SLC22A23: variants seen among roughly 807,000 people sequenced by gnomAD.
SLC22A23 encodes solute carrier family 22 member 23, also known as ion transporter protein.
SLC22A23 carries 26 observed loss-of-function variants against 61.0 expected under a neutral mutation model. The ratio of observed to expected loss-of-function variants is 0.43; its 90% CI spans 0.31 to 0.59. SLC22A23 has a LOEUF of 0.59. Among genes scored for constraint, SLC22A23 ranks in the 20% least tolerant of loss-of-function variants. SLC22A23 has a pLI of 0.11. For synonymous variants in SLC22A23, 430 were observed against 413.9 expected (o/e 1.04, Z -0.47); for missense variants, 796 against 934.7 (o/e 0.85, Z 1.94).
At chr6:3,428,920 C>G (rs930286653) in intron 1 of SLC22A23, among the ~76,000 whole-genome samples, 11 of 152,098 alleles carry the variant, frequency 7.2e-5, no homozygotes, top group Admixed American at 6.6e-4. Context: ...CTTCTCAGAG[C>G]CTTTAGCATG....
At position 3,301,892 on chromosome 6, in the gene SLC22A23, C is replaced by T. The variant is rs114927725; in HGVS notation, c.1083-3674G>A. ...GACAGCCCAGGGAAAATCCAAAATG[C>T]GGCATATTTGAGTATGGACATTTGA... On this transcript the variant is annotated intron_variant, in intron 4 of 9. Transcript: ENST00000406686. Among the ~76,000 whole-genome samples, 639 of 152,324 alleles carry T rather than the reference C, an allele frequency of 4.2e-3. 2 individuals carry two copies. Among genetic ancestry groups the T allele is most frequent in the African/African-American group, 0.014 (567 of 41,566 alleles).
chr6:3,319,649 C>T (rs1227329256), intron 4 of SLC22A23, among the ~76,000 whole-genome samples: 1 of 152,210 alleles, frequency 6.6e-6, no homozygotes, highest in Non-Finnish European at 1.5e-5. Context: ...CTATTTTCTA[C>T]AGTTCCTGAG....
intron 3 of SLC22A23, among the ~76,000 whole-genome samples, chr6:3,398,759 G>A (rs2127496180): frequency 6.6e-6 from 1 of 152,202 alleles, no homozygotes; most frequent in East Asian, 1.9e-4. Flanking sequence ...ACTAGATGTG[G>A]TGGCTCATAC....
chr6:3,322,174 G>C lies in SLC22A23; in HGVS notation c.1082+1660C>G, dbSNP rs935803485. On this transcript the variant is annotated intron_variant, in intron 4 of 9. Coordinates refer to ENST00000406686, the MANE Select transcript of SLC22A23 (RefSeq NM_015482.2). The surrounding 1 kb of genome is among the most constrained non-coding windows in gnomAD (Gnocchi z 4.1). Reference sequence around the variant, plus strand: ...GCGGGGGTCAGGGGACCGCGGTTCTGTCCTCTATAGGATGGGCTGCTGAGA... The same window carrying C: ...GCGGGGGTCAGGGGACCGCGGTTCTCTCCTCTATAGGATGGGCTGCTGAGA... 2.0e-4 allele frequency among the ~76,000 whole-genome samples: 31 copies of C among 152,142 alleles called. No individual in the cohort carries two copies. Among genetic ancestry groups the C allele is most frequent in the African/African-American group, 6.8e-4 (28 of 41,426 alleles).
intron 3 of SLC22A23, among the ~76,000 whole-genome samples, chr6:3,341,169 C>T (rs2127422136): frequency 6.6e-6 from 1 of 152,308 alleles, no homozygotes; most frequent in Non-Finnish European, 1.5e-5. Context: ...TCACAGATGA[C>T]CTCAGAAGCT....
chr6:3,417,929 T>C (rs1769839851), intron 1 of SLC22A23, among the ~76,000 whole-genome samples: 1 of 152,258 alleles, frequency 6.6e-6, no homozygotes, highest in African/African-American at 2.4e-5. Context: ...CACATATGTA[T>C]GCTGTTTCTA....
At position 3,317,563 on chromosome 6, in the gene SLC22A23, C is replaced by G. The variant is rs976195319; in HGVS notation, c.1082+6271G>C. On this transcript the variant is annotated intron_variant, in intron 4 of 9. Transcript: ENST00000406686. This position sits in a 1 kb window ranked among gnomAD's most constrained non-coding sequence, Gnocchi z 4.4. ...ACCCTGGAAGGATTTCATGTTTCTTCTGGAAGAAGGATCAGTCGGTATGAC... is the reference window on the plus strand; with the variant it reads ...ACCCTGGAAGGATTTCATGTTTCTTGTGGAAGAAGGATCAGTCGGTATGAC... 6.6e-6 allele frequency among the ~76,000 whole-genome samples: 1 copy of G among 152,190 alleles called. No homozygotes were observed. Among genetic ancestry groups the G allele is most frequent in the Admixed American group, 6.5e-5 (1 of 15,280 alleles).
intron 3 of SLC22A23, among the ~76,000 whole-genome samples, chr6:3,343,473 G>GCA (rs149684941): frequency 0.01 from 1,523 of 150,060 alleles, 12 homozygotes; most frequent in Non-Finnish European, 0.016. Flanking sequence ...ACACACACAC[G>GCA]CACACACACA....
rs141353043 is a variant in SLC22A23 at position 3,273,379 on chromosome 6, C to G, written c.1737G>C (p.Ala579=). 34 of 1,612,646 alleles carry G rather than the reference C, an allele frequency of 2.1e-5. No individual in the cohort carries two copies. The highest frequency in any genetic ancestry group is 2.7e-5 in the Non-Finnish European group (32 of 1,179,854). ...TGGGTGCCGTCAGCATGCCGAAGCC[C>G]GCGCTGGCCAGCACCAGCCCCAGCC... ...CGGLGLVLAS[A]GFGMLTAPII... Residue 579 remains alanine (A), a synonymous_variant, in exon 10 of 10, where the codon GCG becomes GCC. Transcript: ENST00000406686.
intron 4 of SLC22A23, chr6:3,323,468 C>T (rs1763085666): frequency 2.5e-6 from 1 of 406,626 alleles, no homozygotes. Context: ...TTTAATATCT[C>T]CAAATCCCCC....
chr6:3,383,420 C>T (rs1286869572), intron 3 of SLC22A23, among the ~76,000 whole-genome samples: 2 of 152,232 alleles, frequency 1.3e-5, no homozygotes, highest in Non-Finnish European at 2.9e-5. Context: ...CATGAACGTG[C>T]ACGGTGTAGA....
At chr6:3,290,246 T>C (rs1346833495) in intron 5 of SLC22A23, 5 of 317,904 alleles carry the variant, frequency 1.6e-5, no homozygotes, top group Non-Finnish European at 3.0e-5. Flanking sequence ...CATTAGGCCC[T>C]GGGCAAATCT....
intron 3 of SLC22A23, among the ~76,000 whole-genome samples, chr6:3,326,188 T>G (rs1202288940): frequency 6.6e-6 from 1 of 152,244 alleles, no homozygotes; most frequent in East Asian, 1.9e-4. Context: ...ACAAGTGAGT[T>G]GCTGTGGCTG....
In SLC22A23 at chr6:3,309,352, G is replaced by C. The variant is rs1298552422; in HGVS notation, c.1083-11134C>G. ...CCAAGAATTCGAAATTAAGTAAAAGGGGTCTCTAATTAAATGCAGAGGTAA... is the reference window on the plus strand; with the variant it reads ...CCAAGAATTCGAAATTAAGTAAAAGCGGTCTCTAATTAAATGCAGAGGTAA... On this transcript the variant is annotated intron_variant, in intron 4 of 9. Transcript: ENST00000406686. The surrounding 1 kb of genome is among the most constrained non-coding windows in gnomAD (Gnocchi z 4.7). Among the ~76,000 whole-genome samples the C allele has an allele frequency of 6.6e-6, 1 of 152,138 alleles. No individual in the cohort carries two copies. The highest frequency in any genetic ancestry group is 1.9e-4 in the East Asian group (1 of 5,192).
At position 3,269,798 on chromosome 6, in the gene SLC22A23, G is replaced by A. The variant is rs1448070237; in HGVS notation, c.*3257C>T. 1 of 152,860 alleles carries A rather than the reference G, an allele frequency of 6.5e-6. No individual in the cohort carries two copies. The highest frequency in any genetic ancestry group is 6.5e-5 in the Admixed American group (1 of 15,292). The allele number at this position is 152,860 out of a possible 1,614,324, so 9.5% of individuals were successfully genotyped here. ...CCTCCCCCGCACATGCGATACCTCG[G>A]GCCGGGCGGTGTGACCTCACAGGCC... On this transcript the variant is annotated 3_prime_UTR_variant, in exon 10 of 10. Transcript: ENST00000406686.
chr6:3,363,636 T>C (rs1044493073), intron 3 of SLC22A23, among the ~76,000 whole-genome samples: 5 of 152,246 alleles, frequency 3.3e-5, no homozygotes, highest in Non-Finnish European at 7.3e-5. Context: ...AGGTGCCTGC[T>C]TGCAATTCTC....
chr6:3,456,555 G>A lies in SLC22A23; in HGVS notation c.5C>T (p.Ala2Val). Reference sequence around the variant, plus strand: ...CGCCGCCTCGCGCCGCCGGTCTATGGCCATGGCCCGGGCCCGCGGCTCCCG... The same window carrying A: ...CGCCGCCTCGCGCCGCCGGTCTATGACCATGGCCCGGGCCCGCGGCTCCCG... M[A>V]IDRRREAAGG... Residue 2 changes from alanine to valine, a missense_variant, in exon 1 of 10, where the codon GCC becomes GTC. Coordinates refer to ENST00000406686, the MANE Select transcript of SLC22A23 (RefSeq NM_015482.2). This position sits in a 1 kb window ranked among gnomAD's most constrained non-coding sequence, Gnocchi z 7.1. The A allele has an allele frequency of 1.0e-6, 1 of 984,214 alleles. No homozygotes were observed. The highest frequency in any genetic ancestry group is 1.2e-6 in the Non-Finnish European group (1 of 830,798). 61.0% of individuals were successfully genotyped at this position (984,214 alleles called of 1,614,324 possible). A position where few individuals can be genotyped will look rare whatever the true frequency, so the allele number is the denominator to read the frequency against.
chr6:3,453,824 G>A (rs1187855248), intron 1 of SLC22A23, among the ~76,000 whole-genome samples: 1 of 152,144 alleles, frequency 6.6e-6, no homozygotes, highest in Non-Finnish European at 1.5e-5. Flanking sequence ...TCCACTTTCT[G>A]CTTCTACTTG....
intron 1 of SLC22A23, among the ~76,000 whole-genome samples, chr6:3,421,752 G>A (rs1032161365): frequency 6.6e-6 from 1 of 152,018 alleles, no homozygotes. Context: ...GCGATGGTGG[G>A]GAGGCAAAGA....
Sources: gnomAD v4.1 joint callset for allele counts (sites outside exome capture counted in the v4.1 genomes callset) on GRCh38, gnomAD v4.1.1 for gene constraint, Gnocchi (gnomAD v3.1) non-coding constraint, MANE v1.5 for transcripts, NCBI Gene and HGNC (gene_info 2026-07-23, HGNC 2026-07-21) for gene names.